Variants in KAZN observed in about 807,000 individuals in gnomAD.
KAZN encodes the protein kazrin, periplakin interacting protein, also known as kazrin.
In KAZN, 40 loss-of-function variants were observed where a neutral mutation model predicts 87.4. The ratio of observed to expected loss-of-function variants is 0.46; its 90% CI spans 0.36 to 0.60. The LOEUF is 0.60. KAZN is among the 20% of genes least tolerant of loss of function. The pLI is 0.00. For synonymous variants in KAZN, 466 were observed against 458.3 expected (o/e 1.02, Z -0.22); for missense variants, 898 against 1,073.9 (o/e 0.84, Z 2.29).
At chr1:14,969,019 CAG>C (rs1664749754) in intron 2 of KAZN, among the ~76,000 whole-genome samples, 1 of 152,326 alleles carries the variant, frequency 6.6e-6, no homozygotes, top group Middle Eastern at 3.4e-3. Flanking sequence ...TTCTAGGCTG[CAG>C]AGACTGTCTT....
At chr1:14,905,917 A>T (rs576652137) in intron 1 of KAZN, among the ~76,000 whole-genome samples, 69 of 142,812 alleles carry the variant, frequency 4.8e-4, no homozygotes, top group African/African-American at 1.5e-3. Context: ...GCCTGTAATC[A>T]CAGCACTTTG....
At chr1:14,554,858 C>T (rs1055013840) in intron 2 of KAZN, among the ~76,000 whole-genome samples, 6 of 152,158 alleles carry the variant, frequency 3.9e-5, no homozygotes, top group African/African-American at 1.4e-4. Context: ...ATTCACACAC[C>T]GACGTCGAGT....
At chr1:14,001,849 C>T (rs1639806681) in intron 1 of KAZN, among the ~76,000 whole-genome samples, 1 of 152,098 alleles carries the variant, frequency 6.6e-6, no homozygotes, top group African/African-American at 2.4e-5. Context: ...CAAAAATTAA[C>T]TCAAGATGGA....
chr1:14,386,395 T>C (rs1661895381), intron 2 of KAZN, among the ~76,000 whole-genome samples: 1 of 151,790 alleles, frequency 6.6e-6, no homozygotes, highest in African/African-American at 2.4e-5. Flanking sequence ...GTTGATGCAG[T>C]TTCTTCCTAG....
At chr1:14,084,443 A>G (rs1412521382) in intron 1 of KAZN, among the ~76,000 whole-genome samples, 1 of 152,118 alleles carries the variant, frequency 6.6e-6, no homozygotes, top group Non-Finnish European at 1.5e-5. Context: ...GAAAAAATAT[A>G]TTGCCAAATC....
intron 1 of KAZN, among the ~76,000 whole-genome samples, chr1:14,928,075 A>G (rs1223815862): frequency 1.3e-5 from 2 of 152,168 alleles, no homozygotes; most frequent in Non-Finnish European, 1.5e-5. Flanking sequence ...CCACACAGCC[A>G]GTGGATGTCC....
chr1:14,924,743 G>A (rs1267519264), intron 1 of KAZN, among the ~76,000 whole-genome samples: 1 of 152,094 alleles, frequency 6.6e-6, no homozygotes, highest in Non-Finnish European at 1.5e-5. Flanking sequence ...AGGCGTGCGG[G>A]ACGCAGAGTG....
chr1:14,658,363 T>G (rs777583643), intron 1 of KAZN, among the ~76,000 whole-genome samples: 1 of 152,176 alleles, frequency 6.6e-6, no homozygotes, highest in Non-Finnish European at 1.5e-5. Context: ...GATATTTTTA[T>G]GTATCATCAT....
intron 1 of KAZN, among the ~76,000 whole-genome samples, chr1:14,695,510 C>CTTTTTTTTTTTTTTGTTTTTTTTTTTT (rs1641546822): frequency 1.2e-5 from 1 of 85,048 alleles, no homozygotes; most frequent in Non-Finnish European, 2.7e-5. Context: ...TACATTCCAT[C>CTTTTTTTTTTTTTTGTTTTTTTTTTTT]TTTTTTTTTT....
At chr1:15,007,830 T>C (rs1355592556) in intron 2 of KAZN, among the ~76,000 whole-genome samples, 1 of 152,228 alleles carries the variant, frequency 6.6e-6, no homozygotes, top group African/African-American at 2.4e-5. Context: ...TTCTCGGCTT[T>C]GATTTGCATA....
intron 2 of KAZN, among the ~76,000 whole-genome samples, chr1:14,446,391 C>T (rs1230294141): frequency 1.3e-5 from 2 of 152,180 alleles, no homozygotes; most frequent in South Asian, 2.1e-4. Flanking sequence ...CCAAAGACTA[C>T]AGCAGGGATC....
intron 1 of KAZN, among the ~76,000 whole-genome samples, chr1:14,785,477 G>A (rs1483333883): frequency 5.3e-5 from 8 of 152,084 alleles, no homozygotes; most frequent in African/African-American, 1.9e-4. Flanking sequence ...GGGGAGGCCC[G>A]TTCCTCTGGC....
At chr1:14,772,412 A>C (rs1645044162) in intron 1 of KAZN, among the ~76,000 whole-genome samples, 1 of 152,022 alleles carries the variant, frequency 6.6e-6, no homozygotes, top group Non-Finnish European at 1.5e-5. Flanking sequence ...TGAGCCCAAG[A>C]GTTTGAGGCT....
chr1:14,077,526 A>C (rs996620507), intron 1 of KAZN, among the ~76,000 whole-genome samples: 1 of 152,100 alleles, frequency 6.6e-6, no homozygotes. Context: ...CCATCATTCA[A>C]TTGGGGTTGG....
rs575140986 is a variant in KAZN, at chr1:14,787,336, A to G, written c.227-173348A>G. ...CCATGTTACAGTAGAAAACCAAGGC[A>G]TAGTGAGGTTGGATAACTGGCTCAA... is the stretch of plus-strand genomic sequence containing the variant. On this transcript the variant is annotated intron_variant, in intron 1 of 14. Transcript: ENST00000376030. 5.3e-5 allele frequency among the ~76,000 whole-genome samples: 8 copies of G among 152,338 alleles called. No homozygotes were observed. The East Asian group carries it at 7.7e-4, about 15-fold the overall frequency.
intron 1 of KAZN, among the ~76,000 whole-genome samples, chr1:14,862,592 T>C (rs4661533): frequency 0.48 from 72,735 of 151,982 alleles, 19,142 homozygotes; most frequent in African/African-American, 0.69. Context: ...GGAGTGAAGA[T>C]GATTTAAACT....
chr1:14,738,468 T>C (rs1268434622), intron 1 of KAZN, among the ~76,000 whole-genome samples: 1 of 151,994 alleles, frequency 6.6e-6, no homozygotes, highest in Admixed American at 6.6e-5. Context: ...GCCAATAAGG[T>C]AATTGAAATG....
chr1:14,566,373 T>C (rs1258390412), intron 2 of KAZN, among the ~76,000 whole-genome samples: 1 of 152,196 alleles, frequency 6.6e-6, no homozygotes. Context: ...AGATATGCTG[T>C]CATTCAGGCT....
chr1:14,293,686 A>G (rs1653893157), intron 2 of KAZN, among the ~76,000 whole-genome samples: 1 of 151,958 alleles, frequency 6.6e-6, no homozygotes, highest in South Asian at 2.1e-4. Context: ...AAAAAAAAAA[A>G]GATCCCAGAT....
Sources: gnomAD v4.1 joint callset for allele counts (sites outside exome capture counted in the v4.1 genomes callset) on GRCh38, gnomAD v4.1.1 for gene constraint, MANE v1.5 for transcripts, NCBI Gene and HGNC (gene_info 2026-07-23, HGNC 2026-07-21) for gene names.